FBXL7: variants seen among roughly 807,000 people sequenced by gnomAD.
The protein encoded by FBXL7 is F-box and leucine rich repeat protein 7, also known as F-box/LRR-repeat protein 7.
Under a neutral mutation model 38.3 loss-of-function variants are expected in FBXL7, and 12 were observed. The ratio of observed to expected loss-of-function variants is 0.31; its 90% CI spans 0.20 to 0.51. FBXL7 has a LOEUF of 0.51. FBXL7 is among the 20% of genes least tolerant of loss of function. The probability of loss-of-function intolerance (pLI) is 0.98; values close to 1 mark genes in which losing one functional copy is unlikely to be tolerated. For missense variants in FBXL7, 567 were observed against 676.4 expected (o/e 0.84, Z 1.79); for synonymous variants, 297 against 300.9 (o/e 0.99, Z 0.13).
intron 2 of FBXL7, among the ~76,000 whole-genome samples, chr5:15,763,108 T>A (rs1736492403): frequency 6.6e-6 from 1 of 152,174 alleles, no homozygotes; most frequent in Admixed American, 6.5e-5. Context: ...TGGTTTCTAA[T>A]TTCTTGTGGA....
intron 2 of FBXL7, among the ~76,000 whole-genome samples, chr5:15,664,957 G>A (rs1056868902): frequency 2.0e-5 from 3 of 151,822 alleles, no homozygotes; most frequent in South Asian, 2.1e-4. Flanking sequence ...TTCTGGGTTG[G>A]CAGTTTTTTG....
intron 2 of FBXL7, among the ~76,000 whole-genome samples, chr5:15,663,666 G>A (rs1208494628): frequency 1.3e-5 from 2 of 152,188 alleles, no homozygotes; most frequent in African/African-American, 4.8e-5. Context: ...CTCCTGGGAT[G>A]AAGCCTACTT....
intron 2 of FBXL7, among the ~76,000 whole-genome samples, chr5:15,914,340 C>T (rs1309353514): frequency 4.8e-5 from 7 of 146,264 alleles, no homozygotes; most frequent in Non-Finnish European, 1.0e-4. Flanking sequence ...GAGCCGAGAT[C>T]GCGCCACTGC....
chr5:15,611,552 C>T (rs1021653174), intron 1 of FBXL7, among the ~76,000 whole-genome samples: 2 of 152,140 alleles, frequency 1.3e-5, no homozygotes, highest in South Asian at 2.1e-4. Context: ...ACACAAAAAC[C>T]AAATTGATAT....
intron 1 of FBXL7, among the ~76,000 whole-genome samples, chr5:15,574,512 C>T (rs1473364787): frequency 1.3e-5 from 2 of 152,134 alleles, no homozygotes; most frequent in Admixed American, 1.3e-4. Context: ...TAGATTAAGA[C>T]TAAAAATAAA....
At chr5:15,546,238 T>A (rs1219204231) in intron 1 of FBXL7, among the ~76,000 whole-genome samples, 1 of 152,164 alleles carries the variant, frequency 6.6e-6, no homozygotes, top group African/African-American at 2.4e-5. Context: ...GAGACCATTC[T>A]GGCCAACATG....
chr5:15,824,577 A>G (rs1309116459), intron 2 of FBXL7, among the ~76,000 whole-genome samples: 1 of 152,188 alleles, frequency 6.6e-6, no homozygotes, highest in Non-Finnish European at 1.5e-5. Context: ...TCTGTAGCTG[A>G]AATTAGCTAT....
At chr5:15,655,408 C>T (rs1365463729) in intron 2 of FBXL7, among the ~76,000 whole-genome samples, 2 of 151,516 alleles carry the variant, frequency 1.3e-5, no homozygotes, top group Non-Finnish European at 1.5e-5. Context: ...GCAGGAGAAT[C>T]GCTTGAACCC....
chr5:15,673,996 C>T (rs935186982), intron 2 of FBXL7, among the ~76,000 whole-genome samples: 2 of 152,200 alleles, frequency 1.3e-5, no homozygotes, highest in African/African-American at 4.8e-5. Flanking sequence ...GAAAATCAAT[C>T]ACATTGTGTT....
chr5:15,650,565 A>G (rs1045597145), intron 2 of FBXL7, among the ~76,000 whole-genome samples: 1 of 152,264 alleles, frequency 6.6e-6, no homozygotes, highest in African/African-American at 2.4e-5. Context: ...TTTCCCCTGT[A>G]GCATGAGATG....
intron 1 of FBXL7, among the ~76,000 whole-genome samples, chr5:15,614,521 C>T (rs1001930671): frequency 6.6e-6 from 1 of 152,148 alleles, no homozygotes. Context: ...CCATGTGCCT[C>T]GGTCTCCCAA....
At chr5:15,744,212 T>C (rs2126678047) in intron 2 of FBXL7, among the ~76,000 whole-genome samples, 1 of 152,334 alleles carries the variant, frequency 6.6e-6, no homozygotes, top group Middle Eastern at 3.4e-3. Flanking sequence ...TTCTATCACA[T>C]CATCAGGCTG....
chr5:15,709,258 G>A (rs544248649), intron 2 of FBXL7, among the ~76,000 whole-genome samples: 7 of 152,172 alleles, frequency 4.6e-5, no homozygotes, highest in Non-Finnish European at 7.3e-5. Context: ...TCCTGACAGC[G>A]TGTGGTAGCT....
intron 2 of FBXL7, among the ~76,000 whole-genome samples, chr5:15,738,786 T>A (rs1479482234): frequency 6.6e-6 from 1 of 152,198 alleles, no homozygotes; most frequent in East Asian, 1.9e-4. Context: ...ATTCAAGACT[T>A]TGGCAAATGT....
At chr5:15,603,359 C>G (rs1025597576) in intron 1 of FBXL7, among the ~76,000 whole-genome samples, 8 of 152,280 alleles carry the variant, frequency 5.3e-5, no homozygotes, top group East Asian at 3.9e-4. Flanking sequence ...AATTTACTTG[C>G]AATTTACTTA....
intron 2 of FBXL7, among the ~76,000 whole-genome samples, chr5:15,637,696 A>G (rs954888208): frequency 6.6e-6 from 1 of 152,222 alleles, no homozygotes; most frequent in Non-Finnish European, 1.5e-5. Context: ...TATTATAACC[A>G]GTTTAGAAAA....
intron 2 of FBXL7, among the ~76,000 whole-genome samples, chr5:15,715,375 C>T (rs1744013637): frequency 6.6e-6 from 1 of 151,280 alleles, no homozygotes; most frequent in African/African-American, 2.4e-5. Context: ...CCTGTAATTC[C>T]AGCTACTCGG....
intron 1 of FBXL7, among the ~76,000 whole-genome samples, chr5:15,512,870 A>G (rs1050257435): frequency 6.6e-6 from 1 of 152,170 alleles, no homozygotes; most frequent in African/African-American, 2.4e-5. Flanking sequence ...TTTATATGGA[A>G]ACTTCAGTCA....
chr5:15,747,880 A>C (rs1736055375), intron 2 of FBXL7, among the ~76,000 whole-genome samples: 1 of 152,148 alleles, frequency 6.6e-6, no homozygotes, highest in South Asian at 2.1e-4. Context: ...AACTTGGACT[A>C]TTGCCCAGCT....
Sources: gnomAD v4.1 joint callset for allele counts (sites outside exome capture counted in the v4.1 genomes callset) on GRCh38, gnomAD v4.1.1 for gene constraint, MANE v1.5 for transcripts, NCBI Gene and HGNC (gene_info 2026-07-23, HGNC 2026-07-21) for gene names.